Variants in CHAT observed in about 807,000 individuals in gnomAD.
CHAT encodes choline O-acetyltransferase.
A neutral mutation model predicts 76.9 loss-of-function variants in CHAT; 61 were observed. The ratio of observed to expected loss-of-function variants is 0.79; its 90% CI spans 0.65 to 0.98. CHAT has a LOEUF of 0.98. Ranked by LOEUF, CHAT falls within the 50% of genes least tolerant of loss-of-function variation. The probability of loss-of-function intolerance (pLI) is 0.00; values close to 1 mark genes in which losing one functional copy is unlikely to be tolerated. For synonymous variants in CHAT, 407 were observed against 397.4 expected (o/e 1.02, Z -0.29); for missense variants, 946 against 986.9 (o/e 0.96, Z 0.56).
chr10:49,656,088 A>T (rs947446581), intron 13 of CHAT, among the ~76,000 whole-genome samples: 1 of 152,220 alleles, frequency 6.6e-6, no homozygotes, highest in African/African-American at 2.4e-5. Flanking sequence ...TCTTTGAAGG[A>T]TCATATAATC....
intron 11 of CHAT, among the ~76,000 whole-genome samples, chr10:49,652,457 C>T (rs973827475): frequency 1.3e-5 from 2 of 152,210 alleles, no homozygotes; most frequent in Non-Finnish European, 2.9e-5. Context: ...ATCCTTGATT[C>T]TGCCCTTTCT....
At chr10:49,662,097 G>C (rs1159394549) in intron 13 of CHAT, among the ~76,000 whole-genome samples, 1 of 152,170 alleles carries the variant, frequency 6.6e-6, no homozygotes, top group African/African-American at 2.4e-5. Context: ...CCAAGATTCA[G>C]TAACAGATCT....
In CHAT at chr10:49,655,134, C is replaced by T. The variant is rs7073028; in HGVS notation, c.1674C>T (p.Ser558=). ...TGGTGCCCACCTACGAGAGCGCGTCCATCCGCCGATTCCAGGAGGGACGCG... is the reference window on the plus strand; with the variant it reads ...TGGTGCCCACCTACGAGAGCGCGTCTATCCGCCGATTCCAGGAGGGACGCG... The part of the protein sequence containing the change: ...RRLVPTYESA[S]IRRFQEGRVD... Residue 558 remains serine (S), a synonymous_variant, in exon 12 of 15, where the codon TCC becomes TCT. Transcript: ENST00000337653. 4.0e-3 allele frequency: 6,413 copies of T among 1,614,088 alleles called. 223 individuals are homozygous for T. In the African/African-American group the frequency reaches 0.072, roughly 18 times the overall value.
At chr10:49,651,607 C>T in intron 10 of CHAT, 1 of 451,550 alleles carries the variant, frequency 2.2e-6, no homozygotes, top group Non-Finnish European at 4.1e-6. Context: ...CTAACACAGC[C>T]AGGCCCACCT....
intron 11 of CHAT, 33 bp from the exon 12 acceptor site, chr10:49,655,060 ATT>A: frequency 2.5e-6 from 4 of 1,613,170 alleles, no homozygotes; most frequent in Non-Finnish European, 3.4e-6. Context: ...CCAAGAATAA[ATT>A]ACCATGTGCC....
rs866151068 is a variant in CHAT, at chr10:49,649,880, T to A, written c.1511+244T>A. Among the ~76,000 whole-genome samples the A allele has an allele frequency of 0.24, 17,750 of 74,176 alleles. 1,476 individuals are homozygous for A. The highest frequency in any genetic ancestry group is 0.4 in the Non-Finnish European group (11,966 of 29,974). The allele number at this position is 74,176 out of a possible 152,430, so 48.7% of individuals were successfully genotyped here. A position where few individuals can be genotyped will look rare whatever the true frequency, so the allele number is the denominator to read the frequency against. ...AACGCAGGGCTATTTTTTTTTTTTT[T>A]TTTTTTTTTTTTTTCAGTTTCACCT... On this transcript the variant is annotated intron_variant, in intron 10 of 14. Coordinates refer to ENST00000337653, the MANE Select transcript of CHAT (RefSeq NM_020549.5).
At chr10:49,611,062 G>C (rs770222638), upstream of CHAT, 10 of 1,613,964 alleles carry the variant, frequency 6.2e-6, no homozygotes, top group South Asian at 1.1e-4. Flanking sequence ...GTGGCCAGCG[G>C]GCTCAGCCCT....
At chr10:49,647,718 A>G (rs1475620642) in intron 8 of CHAT, among the ~76,000 whole-genome samples, 1 of 152,014 alleles carries the variant, frequency 6.6e-6, no homozygotes, top group Non-Finnish European at 1.5e-5. Flanking sequence ...CAGCCTTGGT[A>G]GCAGTTTTCA....
At chr10:49,656,284 T>G (rs1035954920) in intron 13 of CHAT, among the ~76,000 whole-genome samples, 1 of 1,026 alleles carries the variant, frequency 9.7e-4, no homozygotes, top group East Asian at 0.062. Flanking sequence ...ATTCAGTGGG[T>G]TTTTTTTTTT....
intron 8 of CHAT, 29 bp downstream of exon 8, chr10:49,646,703 C>G: frequency 6.2e-7 from 1 of 1,610,664 alleles, no homozygotes; most frequent in Middle Eastern, 2.1e-4. Flanking sequence ...CCTGCAAGAG[C>G]ACAGCCATGC....
chr10:49,620,639 T>C, intron 4 of CHAT, 26 bp downstream of exon 4: 1 of 1,566,978 alleles, frequency 6.4e-7, no homozygotes, highest in Non-Finnish European at 8.8e-7. Flanking sequence ...TCCTAGCTCA[T>C]AACCTGGGGA....
At chr10:49,613,870 TTTC>T, upstream of CHAT, among the ~76,000 whole-genome samples, 1 of 152,106 alleles carries the variant, frequency 6.6e-6, no homozygotes, top group African/African-American at 2.4e-5. Context: ...CCAGTTATTG[TTTC>T]TTATTATTAT....
intron 5 of CHAT, among the ~76,000 whole-genome samples, chr10:49,623,626 C>T (rs1838808195): frequency 6.6e-6 from 1 of 152,186 alleles, no homozygotes; most frequent in Non-Finnish European, 1.5e-5. Context: ...CCTCAGCCAT[C>T]CCCACCGGGG....
rs1004933171 is a variant in CHAT, at chr10:49,614,293, G to A, written c.104G>A (p.Cys35Tyr). 44 of 1,548,376 alleles carry A rather than the reference G, an allele frequency of 2.8e-5. No individual in the cohort carries two copies. Among genetic ancestry groups the A allele is most frequent in the Non-Finnish European group, 3.8e-5 (44 of 1,146,570 alleles). ...GGAAGGAGAGAAGTGCGGCCAGCTT[G>A]CTTTCTCCAGTCGGGTGGCCGCGGG... ...TRGRREVRPACFLQSGGRGDP... is the reference protein window; with the variant it reads ...TRGRREVRPAYFLQSGGRGDP... Residue 35 changes from cysteine (C) to tyrosine (Y), a missense_variant, in exon 1 of 15, where the codon TGC (cysteine) becomes TAC (tyrosine). Physicochemically the swap from Cys to Tyr is radical, Grantham distance 194 (BLOSUM62 -2). Coordinates refer to ENST00000337653, the MANE Select transcript of CHAT (RefSeq NM_020549.5).
At chr10:49,639,538 TATAC>T (rs1286719481) in intron 7 of CHAT, among the ~76,000 whole-genome samples, 349 of 16,898 alleles carry the variant, frequency 0.021, no homozygotes, top group Middle Eastern at 0.038. Context: ...ATAGTATATA[TATAC>T]ACACACACAC....
intron 13 of CHAT, among the ~76,000 whole-genome samples, chr10:49,658,176 G>A (rs1284127772): frequency 6.6e-6 from 1 of 152,206 alleles, no homozygotes; most frequent in Non-Finnish European, 1.5e-5. Context: ...GAGGTCAGGA[G>A]ATCGAGACCA....
At chr10:49,610,678 A>G (rs969918083), upstream of CHAT, 18 of 1,435,256 alleles carry the variant, frequency 1.3e-5, no homozygotes, top group African/African-American at 2.3e-4. Context: ...TCGCCTCTGC[A>G]CTGCGGGACG....
chr10:49,613,594 C>T (rs549062717), upstream of CHAT, among the ~76,000 whole-genome samples: 2 of 152,254 alleles, frequency 1.3e-5, no homozygotes, highest in Admixed American at 1.3e-4. Context: ...TGTCTGTCCT[C>T]GATCTGCGAG....
chr10:49,617,472 C>T (rs937162502), intron 2 of CHAT, among the ~76,000 whole-genome samples: 9 of 152,210 alleles, frequency 5.9e-5, no homozygotes, highest in African/African-American at 2.2e-4. Flanking sequence ...TCCAAAGACA[C>T]TCCTTAGCAC....
Sources: gnomAD v4.1 joint callset for allele counts (sites outside exome capture counted in the v4.1 genomes callset) on GRCh38, gnomAD v4.1.1 for gene constraint, MANE v1.5 for transcripts, NCBI Gene and HGNC (gene_info 2026-07-23, HGNC 2026-07-21) for gene names.